The following ADORA2B variants were observed in gnomAD, a reference collection of about 807,000 sequenced individuals.
The protein encoded by ADORA2B is adenosine receptor A2b.
Under a neutral mutation model 20.8 loss-of-function variants are expected in ADORA2B, and 18 were observed. The observed-to-expected ratio is 0.87, with a 90% CI of 0.60 to 1.29. ADORA2B has a LOEUF of 1.29. Among genes scored for constraint, ADORA2B ranks in the 50% most tolerant of loss-of-function variants. The pLI, the probability that ADORA2B is intolerant of heterozygous loss-of-function variation, is 0.00. For synonymous variants in ADORA2B, 179 were observed against 178.3 expected, an observed-to-expected ratio of 1.00 and a Z score of -0.03; for missense variants, 441 against 422.7, an observed-to-expected ratio of 1.04 and a Z score of -0.38.
chr17:15,857,767 T>A, the ADORA2B span, among the ~76,000 whole-genome samples: 1 of 152,024 alleles, frequency 6.6e-6, no homozygotes, highest in East Asian at 1.9e-4. Flanking sequence ...TCCCATTGTA[T>A]CTTGGAGGTA....
chr17:15,893,548 C>A, the ADORA2B span, among the ~76,000 whole-genome samples: 1 of 136,548 alleles, frequency 7.3e-6, no homozygotes, highest in Non-Finnish European at 1.5e-5. Flanking sequence ...CTGATAAGTT[C>A]CTTTCACTGC....
chr17:15,934,520 G>A, the ADORA2B span, among the ~76,000 whole-genome samples: 70 of 152,144 alleles, frequency 4.6e-4, 1 homozygote, highest in African/African-American at 1.7e-3. Context: ...CACCGCGCCC[G>A]ACCTCTATAT....
At position 15,945,285 on chromosome 17, in the gene ADORA2B, C is replaced by G; in HGVS notation, c.37C>G (p.Leu13Val). ...GACACAGGACGCGCTGTACGTGGCG[C>G]TGGAGCTGGTCATCGCCGCGCTTTC... Reference protein sequence around the residue: ...LETQDALYVALELVIAALSVA... With the variant: ...LETQDALYVAVELVIAALSVA... The change falls in exon 1 of 2, where the codon CTG becomes GTG. Residue 13 changes from leucine to valine, a missense_variant. Physicochemically the swap from Leu to Val is conservative, Grantham distance 32. Transcript: ENST00000304222. The G allele has an allele frequency of 6.5e-7, 1 of 1,536,388 alleles. No individual in the cohort carries two copies. Among genetic ancestry groups the G allele is most frequent in the Non-Finnish European group, 8.7e-7 (1 of 1,145,546 alleles).
At chr17:15,946,582 G>C (rs2151591521) in intron 1 of ADORA2B, among the ~76,000 whole-genome samples, 1 of 152,326 alleles carries the variant, frequency 6.6e-6, no homozygotes, top group Admixed American at 6.5e-5. Flanking sequence ...AGGAAGGAAG[G>C]GAAGGAATTC....
the ADORA2B span, among the ~76,000 whole-genome samples, chr17:15,924,072 C>T: frequency 6.6e-6 from 1 of 152,086 alleles, no homozygotes; most frequent in Admixed American, 6.6e-5. Flanking sequence ...ACCACCATAC[C>T]CAGCTAATGT....
chr17:15,912,997 GAGAGAAAAC>G, the ADORA2B span, among the ~76,000 whole-genome samples: 1 of 152,238 alleles, frequency 6.6e-6, no homozygotes, highest in Non-Finnish European at 1.5e-5. Flanking sequence ...GATGGTGATG[GAGAGAAAAC>G]ACTCACCCTA....
At chr17:15,885,888 A>C in the ADORA2B span, among the ~76,000 whole-genome samples, 31,830 of 152,080 alleles carry the variant, frequency 0.21, 3,918 homozygotes, top group Non-Finnish European at 0.28. Flanking sequence ...TGCTTTAATG[A>C]GAGAAGGAGG....
chr17:15,854,773 C>T, the ADORA2B span, among the ~76,000 whole-genome samples: 1 of 152,098 alleles, frequency 6.6e-6, no homozygotes, highest in South Asian at 2.1e-4. Context: ...GACAGATGTA[C>T]CAGGATATTC....
In ADORA2B at chr17:15,945,777, C is replaced by T. The variant is rs368963660; in HGVS notation, c.335+194C>T. ...AGTGCGCCCGGGCACCCAAGACATC[C>T]CAGATGCGCGTCGCTCTAAGGAGAT... On this transcript the variant is annotated intron_variant, in intron 1 of 1. Coordinates refer to ENST00000304222, the MANE Select transcript of ADORA2B (RefSeq NM_000676.4). Among the ~76,000 whole-genome samples the T allele has an allele frequency of 1.8e-4, 27 of 152,160 alleles. 1 individual carries two copies. The highest frequency in any genetic ancestry group is 1.0e-3 in the Admixed American group (16 of 15,292).
chr17:15,907,245 T>C, the ADORA2B span, among the ~76,000 whole-genome samples: 3 of 152,104 alleles, frequency 2.0e-5, no homozygotes, highest in Non-Finnish European at 4.4e-5. Context: ...TAGGTGTACC[T>C]GCGTGGAATG....
At chr17:15,865,080 ATT>A in the ADORA2B span, among the ~76,000 whole-genome samples, 22 of 151,810 alleles carry the variant, frequency 1.4e-4, no homozygotes, top group African/African-American at 5.1e-4. Flanking sequence ...TTCTCCAAAT[ATT>A]TTCTTTCTGT....
the ADORA2B span, among the ~76,000 whole-genome samples, chr17:15,917,967 C>T: frequency 8.7e-4 from 133 of 152,370 alleles, no homozygotes; most frequent in African/African-American, 3.1e-3. Flanking sequence ...GGGCTGTCCT[C>T]CTCCGTATCC....
the ADORA2B span, among the ~76,000 whole-genome samples, chr17:15,924,585 A>C: frequency 9.8e-3 from 1,487 of 152,074 alleles, 32 homozygotes; most frequent in African/African-American, 0.034. Flanking sequence ...CACACACAAA[A>C]AAAAATTAGT....
chr17:15,889,226 A>G, the ADORA2B span, among the ~76,000 whole-genome samples: 1 of 128,966 alleles, frequency 7.8e-6, no homozygotes, highest in Middle Eastern at 3.7e-3. Flanking sequence ...TTGTAAAAGT[A>G]ATAGCTGGTC....
At chr17:15,974,612 T>TG (rs1165800679) in intron 1 of ADORA2B, 67 bp from the exon 2 acceptor site, 1 of 1,391,328 alleles carries the variant, frequency 7.2e-7, no homozygotes. Context: ...AAAGAGGAGG[T>TG]GGGGTCTTGG....
the ADORA2B span, among the ~76,000 whole-genome samples, chr17:15,866,079 G>A: frequency 3.3e-5 from 5 of 152,114 alleles, no homozygotes; most frequent in South Asian, 1.0e-3. Flanking sequence ...AGATCGTTGA[G>A]TCAAGTCCAG....
the ADORA2B span, among the ~76,000 whole-genome samples, chr17:15,904,236 T>C: frequency 6.6e-6 from 1 of 152,126 alleles, no homozygotes; most frequent in Non-Finnish European, 1.5e-5. Context: ...CACCTCGGTC[T>C]CCCAAAGTGT....
At chr17:15,963,715 C>A (rs1227190577) in intron 1 of ADORA2B, among the ~76,000 whole-genome samples, 1 of 152,208 alleles carries the variant, frequency 6.6e-6, no homozygotes, top group African/African-American at 2.4e-5. Flanking sequence ...GGCCCCTAAC[C>A]TCAGTCTCAA....
chr17:15,954,410 G>T (rs1160510441), intron 1 of ADORA2B, among the ~76,000 whole-genome samples: 1 of 152,182 alleles, frequency 6.6e-6, no homozygotes. Context: ...ACATCCTCGT[G>T]ATCACCCAGC....
Sources: allele counts gnomAD v4.1 joint callset (sites outside exome capture counted in the v4.1 genomes callset), GRCh38; gene constraint gnomAD v4.1.1; transcripts MANE v1.5; gene names NCBI Gene and HGNC (gene_info 2026-07-23, HGNC 2026-07-21).